Variants in PPP1R37 observed in about 807,000 individuals in gnomAD.
PPP1R37 encodes the protein protein phosphatase 1 regulatory subunit 37.
PPP1R37 carries 21 observed loss-of-function variants against 61.0 expected under a neutral mutation model. The ratio of observed to expected loss-of-function variants is 0.34; its 90% confidence interval spans 0.24 to 0.50. PPP1R37 has a LOEUF of 0.50. Ranked by LOEUF, PPP1R37 falls within the 20% of genes least tolerant of loss-of-function variation. The pLI is 0.98. For synonymous variants in PPP1R37, 443 were observed against 433.5 expected (o/e 1.02, Z -0.27); for missense variants, 910 against 952.7 (o/e 0.96, Z 0.59).
Position 45,093,340 on chromosome 19 carries a change from G to A in PPP1R37, c.15G>A (p.Pro5=). 1.3e-6 allele frequency: 2 copies of A among 1,486,202 alleles called. No individual in the cohort carries two copies. The highest frequency in any genetic ancestry group is 2.2e-5 in the Admixed American group (1 of 44,712). 92.1% of individuals were successfully genotyped at this position (1,486,202 alleles called of 1,614,324 possible). A position where few individuals can be genotyped will look rare whatever the true frequency, so the allele number is the denominator to read the frequency against. The change falls in exon 1 of 13, where the codon CCG becomes CCA. Residue 5 remains proline, a synonymous_variant. Transcript: ENST00000221462. MEIA[P]QEAPPVPGAD... is the part of the protein sequence containing the mutation. ...CGGCGGCGGCTATGGAGATCGCGCC[G>A]CAGGAGGCGCCGCCCGTGCCGGGCG...
At chr19:45,100,661 G>T (rs541580070) in intron 1 of PPP1R37, among the ~76,000 whole-genome samples, 21 of 152,288 alleles carry the variant, frequency 1.4e-4, no homozygotes, top group African/African-American at 4.8e-4. Flanking sequence ...GGACGCATTC[G>T]GTGCAACGTG....
At chr19:45,109,483 T>C (rs775981411) in intron 1 of PPP1R37, among the ~76,000 whole-genome samples, 1 of 152,218 alleles carries the variant, frequency 6.6e-6, no homozygotes. Flanking sequence ...GAGGGTCCAC[T>C]GTAACCACAA....
intron 1 of PPP1R37, among the ~76,000 whole-genome samples, chr19:45,101,469 G>A (rs994447138): frequency 3.9e-5 from 6 of 152,190 alleles, no homozygotes; most frequent in Non-Finnish European, 8.8e-5. Flanking sequence ...TGTCATCCCA[G>A]CACTTCAGGA....
chr19:45,120,377 T>C (rs1331668546), intron 1 of PPP1R37, among the ~76,000 whole-genome samples: 1 of 152,148 alleles, frequency 6.6e-6, no homozygotes, highest in African/African-American at 2.4e-5. Context: ...CCTTGCTTTT[T>C]TCATTTGTGT....
intron 1 of PPP1R37, chr19:45,100,161 C>T (rs1242056378): frequency 6.6e-6 from 1 of 152,232 alleles, no homozygotes; most frequent in Non-Finnish European, 1.5e-5. Context: ...CTGACAACCT[C>T]GCTTGGCTGT....
intron 1 of PPP1R37, among the ~76,000 whole-genome samples, chr19:45,131,427 G>A (rs1259159990): frequency 6.6e-6 from 1 of 152,220 alleles, no homozygotes; most frequent in African/African-American, 2.4e-5. Flanking sequence ...CTGTGCTGTG[G>A]TTTCAGGTCA....
At chr19:45,102,027 C>G (rs1009972552) in intron 1 of PPP1R37, among the ~76,000 whole-genome samples, 1 of 152,194 alleles carries the variant, frequency 6.6e-6, no homozygotes, top group African/African-American at 2.4e-5. Flanking sequence ...CCCTCGTGCT[C>G]CCCCAGCCAG....
chr19:45,108,477 G>A (rs1295435665), intron 1 of PPP1R37, among the ~76,000 whole-genome samples: 1 of 152,006 alleles, frequency 6.6e-6, no homozygotes, highest in Non-Finnish European at 1.5e-5. Context: ...CAAAGTGCTG[G>A]AATTGCAGGC....
At chr19:45,101,879 T>G (rs1285631418) in intron 1 of PPP1R37, among the ~76,000 whole-genome samples, 1 of 152,212 alleles carries the variant, frequency 6.6e-6, no homozygotes, top group Admixed American at 6.5e-5. Context: ...TAGCTGACAC[T>G]TGACTTCATT....
chr19:45,107,114 C>G (rs1380801409), intron 1 of PPP1R37, among the ~76,000 whole-genome samples: 1 of 151,828 alleles, frequency 6.6e-6, no homozygotes, highest in African/African-American at 2.4e-5. Flanking sequence ...CCGTGCCCAG[C>G]TGATGTTGAG....
chr19:45,137,899 G>A (rs1451018323), intron 1 of PPP1R37, among the ~76,000 whole-genome samples: 1 of 151,976 alleles, frequency 6.6e-6, no homozygotes, highest in Non-Finnish European at 1.5e-5. Flanking sequence ...AGCACTTTGG[G>A]AGGCTGAGGC....
intron 8 of PPP1R37, chr19:45,144,324 T>C (rs1568451547): frequency 6.5e-6 from 1 of 152,896 alleles, no homozygotes; most frequent in Non-Finnish European, 1.5e-5. Context: ...AATTTTTGTA[T>C]TTTTAGTACA....
chr19:45,116,100 G>T (rs545373655), intron 1 of PPP1R37, among the ~76,000 whole-genome samples: 1 of 152,206 alleles, frequency 6.6e-6, no homozygotes, highest in Non-Finnish European at 1.5e-5. Context: ...GACCTTACAT[G>T]CAGCTGCTGT....
intron 3 of PPP1R37, 44 bp downstream of exon 3, chr19:45,140,325 G>C: frequency 6.6e-7 from 1 of 1,517,110 alleles, no homozygotes; most frequent in Admixed American, 2.0e-5. Flanking sequence ...GTCATGGGCA[G>C]GTCGGGGGCT....
At chr19:45,120,689 G>A (rs1417606461) in intron 1 of PPP1R37, among the ~76,000 whole-genome samples, 1 of 152,064 alleles carries the variant, frequency 6.6e-6, no homozygotes, top group African/African-American at 2.4e-5. Context: ...GTGCAGTGGC[G>A]CTGTCTCATT....
intron 1 of PPP1R37, among the ~76,000 whole-genome samples, chr19:45,122,047 TG>T (rs1326972744): frequency 6.6e-6 from 1 of 152,164 alleles, no homozygotes; most frequent in Non-Finnish European, 1.5e-5. Flanking sequence ...GAAAGCTCTG[TG>T]GGTACTCTTC....
chr19:45,128,095 TTAA>T (rs1351914745), intron 1 of PPP1R37, among the ~76,000 whole-genome samples: 1 of 152,142 alleles, frequency 6.6e-6, no homozygotes, highest in Non-Finnish European at 1.5e-5. Flanking sequence ...TAATTATGTA[TTAA>T]TAAAATTAAA....
chr19:45,145,812 T>TGGCC lies in PPP1R37; in HGVS notation c.1756_1757insGGCC (p.Ser586TrpfsTer27). 1.6e-6 allele frequency: 2 copies of TGGCC among 1,227,572 alleles called. No individual in the cohort carries two copies. Among genetic ancestry groups the TGGCC allele is most frequent in the Non-Finnish European group, 1.1e-6 (1 of 922,056 alleles). The allele number at this position is 1,227,572 out of a possible 1,614,324, so 76.0% of individuals were successfully genotyped here. Reference sequence around the variant, plus strand: ...GCCCGAGAGGGCAGAGCCCCCTGCGTCCCCCACCCCTCCCTCTCCCCCACC... The same window carrying TGGCC: ...GCCCGAGAGGGCAGAGCCCCCTGCGTGGCCCCCCCACCCCTCCCTCTCCCCCACC... On this transcript the variant is annotated frameshift_variant, in exon 11 of 13. Transcript: ENST00000221462. LOFTEE classifies it high-confidence loss of function.
At chr19:45,094,325 C>G (rs1967964103) in intron 1 of PPP1R37, among the ~76,000 whole-genome samples, 1 of 152,072 alleles carries the variant, frequency 6.6e-6, no homozygotes, top group South Asian at 2.1e-4. Context: ...CTACCGCCGC[C>G]TCCTCCTCCA....
Sources: gnomAD v4.1 joint callset for allele counts (sites outside exome capture counted in the v4.1 genomes callset) on GRCh38, gnomAD v4.1.1 for gene constraint, MANE v1.5 for transcripts, NCBI Gene and HGNC (gene_info 2026-07-23, HGNC 2026-07-21) for gene names.